SLC1A1: variants seen among roughly 807,000 people sequenced by gnomAD.
The protein encoded by SLC1A1 is solute carrier family 1 member 1.
In SLC1A1, 43 loss-of-function variants were observed where a neutral mutation model predicts 53.3. That is an observed-to-expected ratio of 0.81 (90% confidence interval 0.63 to 1.04). SLC1A1 has a LOEUF of 1.04. Ranked by LOEUF, SLC1A1 falls within the 50% of genes least tolerant of loss-of-function variation. The pLI, the probability that SLC1A1 is intolerant of heterozygous loss-of-function variation, is 0.00. For missense variants in SLC1A1, 748 were observed against 664.9 expected, an observed-to-expected ratio of 1.12 and a Z score of -1.37; for synonymous variants, 307 against 243.2, an observed-to-expected ratio of 1.26 and a Z score of -2.44.
At position 4,537,168 on chromosome 9, in the gene SLC1A1, A is replaced by G. The variant is rs866464796; in HGVS notation, c.92-7399A>G. On this transcript the variant is annotated intron_variant, in intron 1 of 11. Transcript: ENST00000262352. ...TGTAACTAACCTGCACATTGTGCAC[A>G]TGTACCCTAAAACTTAAATAATAAA... 1.8e-4 allele frequency among the ~76,000 whole-genome samples: 28 copies of G among 152,226 alleles called. No individual in the cohort carries two copies. In the Middle Eastern group the frequency reaches 0.014, roughly 74 times the overall value.
chr9:4,510,280 A>C (rs1313776218), intron 1 of SLC1A1, among the ~76,000 whole-genome samples: 1 of 152,152 alleles, frequency 6.6e-6, no homozygotes, highest in Non-Finnish European at 1.5e-5. Flanking sequence ...AGGCCTCTAC[A>C]TCTAGAAAGC....
chr9:4,564,431 C>A lies in SLC1A1; in HGVS notation c.413C>A (p.Thr138Lys). The change falls in exon 4 of 12, where the codon ACG becomes AAG. Residue 138 changes from threonine (T) to lysine (K), a missense_variant. Thr to Lys is a moderately conservative substitution (Grantham distance 78). Coordinates refer to ENST00000262352, the MANE Select transcript of SLC1A1 (RefSeq NM_004170.6). ...ARTGSTPEVS[T>K]VDAMLDLIRN... ...ACAGGCAGCACCCCTGAAGTCAGTA[C>A]GGTGGATGCCATGTTAGATCTCATC... 1 of 1,612,666 alleles carries A rather than the reference C, an allele frequency of 6.2e-7. No individual in the cohort carries two copies. The highest frequency in any genetic ancestry group is 8.5e-7 in the Non-Finnish European group (1 of 1,178,930).
At chr9:4,508,012 G>A (rs893178684) in intron 1 of SLC1A1, among the ~76,000 whole-genome samples, 2 of 152,078 alleles carry the variant, frequency 1.3e-5, no homozygotes, top group African/African-American at 4.8e-5. Context: ...TTCAAGCAGA[G>A]GATTCCAGGG....
intron 1 of SLC1A1, among the ~76,000 whole-genome samples, chr9:4,502,215 C>T (rs1347440683): frequency 1.3e-5 from 2 of 150,962 alleles, no homozygotes; most frequent in African/African-American, 4.9e-5. Flanking sequence ...GGTGACACCT[C>T]ATCTCTACAA....
rs1821310471 is a variant in SLC1A1, at chr9:4,583,702, C to T, written c.1328+530C>T. ...ATCTGTGAGATGGGAAAAAATCTGC[C>T]TATGTCATTGGGTTGTTTTAAGGAC... On this transcript the variant is annotated intron_variant, in intron 11 of 11. Transcript: ENST00000262352. The surrounding 1 kb of genome is among the most constrained non-coding windows in gnomAD (Gnocchi z 4.6). Among the ~76,000 whole-genome samples the T allele has an allele frequency of 6.6e-6, 1 of 152,152 alleles. No homozygotes were observed. Among genetic ancestry groups the T allele is most frequent in the East Asian group, 1.9e-4 (1 of 5,190 alleles).
chr9:4,528,914 A>G (rs1458195065), intron 1 of SLC1A1, among the ~76,000 whole-genome samples: 1 of 152,064 alleles, frequency 6.6e-6, no homozygotes, highest in East Asian at 1.9e-4. Context: ...CCAAAACTGA[A>G]CTCATCATCT....
At chr9:4,532,728 C>T (rs1220850569) in intron 1 of SLC1A1, among the ~76,000 whole-genome samples, 4 of 152,086 alleles carry the variant, frequency 2.6e-5, no homozygotes, top group African/African-American at 9.7e-5. Context: ...CAAAGATACT[C>T]CTCGAGAAGA....
At position 4,561,501 on chromosome 9, in the gene SLC1A1, C is replaced by G. The variant is rs558827026; in HGVS notation, c.285C>G (p.Val95=). 1.9e-6 allele frequency: 3 copies of G among 1,609,036 alleles called. No individual in the cohort carries two copies. In the Admixed American group the frequency reaches 5.0e-5, roughly 27 times the overall value. Residue 95 remains valine, a synonymous_variant, in exon 3 of 12, where the codon GTC becomes GTG. Transcript: ENST00000262352. ...NVSGKIGLRA[V]VYYFCTTLIA... is the part of the protein sequence containing the mutation. Reference sequence around the variant, plus strand: ...CCGGAAAAATTGGTCTGCGCGCTGTCGTGTATTATTTCTGTACCACTCTCA... The same window carrying G: ...CCGGAAAAATTGGTCTGCGCGCTGTGGTGTATTATTTCTGTACCACTCTCA...
intron 1 of SLC1A1, among the ~76,000 whole-genome samples, chr9:4,501,590 C>A (rs2080997233): frequency 6.6e-6 from 1 of 151,536 alleles, no homozygotes; most frequent in African/African-American, 2.4e-5. Flanking sequence ...CATGGAGAAA[C>A]CCCATCTCTA....
chr9:4,536,030 T>C (rs1393037002), intron 1 of SLC1A1, among the ~76,000 whole-genome samples: 2 of 152,160 alleles, frequency 1.3e-5, no homozygotes, highest in African/African-American at 4.8e-5. Context: ...TTACACCTTA[T>C]ACAAAAATTA....
chr9:4,562,284 G>A (rs1448206008), intron 3 of SLC1A1, among the ~76,000 whole-genome samples: 1 of 151,966 alleles, frequency 6.6e-6, no homozygotes, highest in Non-Finnish European at 1.5e-5. Context: ...ATGTTGGCCA[G>A]GCTGGTCTTG....
At chr9:4,537,844 T>A (rs1224944036) in intron 1 of SLC1A1, among the ~76,000 whole-genome samples, 1 of 152,040 alleles carries the variant, frequency 6.6e-6, no homozygotes, top group East Asian at 1.9e-4. Flanking sequence ...AACTAGACAT[T>A]GGTGACAGTT....
At chr9:4,570,684 A>G (rs1315597753) in intron 6 of SLC1A1, among the ~76,000 whole-genome samples, 3 of 152,154 alleles carry the variant, frequency 2.0e-5, no homozygotes, top group South Asian at 2.1e-4. Flanking sequence ...ATAATTCTTT[A>G]TAAACATAGT....
rs771477046 is a variant in SLC1A1 at position 4,561,496 on chromosome 9, G to A, written c.280G>A (p.Ala94Thr). 34 of 1,610,136 alleles carry A rather than the reference G, an allele frequency of 2.1e-5. No individual in the cohort carries two copies. Among genetic ancestry groups the A allele is most frequent in the Non-Finnish European group, 2.3e-5 (27 of 1,176,578 alleles). Reference sequence around the variant, plus strand: ...CGTATCCGGAAAAATTGGTCTGCGCGCTGTCGTGTATTATTTCTGTACCAC... The same window carrying A: ...CGTATCCGGAAAAATTGGTCTGCGCACTGTCGTGTATTATTTCTGTACCAC... Reference protein sequence around the residue: ...SNVSGKIGLRAVVYYFCTTLI... With the variant: ...SNVSGKIGLRTVVYYFCTTLI... Residue 94 changes from alanine to threonine, a missense_variant, in exon 3 of 12, where the codon GCT (alanine) becomes ACT (threonine). Coordinates refer to ENST00000262352, the MANE Select transcript of SLC1A1 (RefSeq NM_004170.6).
chr9:4,551,307 G>T (rs1327286448), intron 2 of SLC1A1, among the ~76,000 whole-genome samples: 13 of 151,942 alleles, frequency 8.6e-5, no homozygotes, highest in Non-Finnish European at 5.9e-5. Context: ...ACCATGCCAC[G>T]TGCCTCCCCG....
rs756821438 is a variant in SLC1A1 at position 4,583,214 on chromosome 9, C to T, written c.1328+42C>T. On this transcript the variant is annotated intron_variant, in intron 11 of 11. Transcript: ENST00000262352. This position sits in a 1 kb window ranked among gnomAD's most constrained non-coding sequence, Gnocchi z 4.6. ...GCACTGCCTTAGCTGGATGTGCAGG[C>T]GGGCTTCCCAGCCTCGCAGGCGCTG... The T allele has an allele frequency of 1.9e-6, 3 of 1,612,834 alleles. No homozygotes were observed. Among genetic ancestry groups the T allele is most frequent in the Non-Finnish European group, 2.5e-6 (3 of 1,179,042 alleles).
chr9:4,495,737 G>C (rs1820391626), intron 1 of SLC1A1, among the ~76,000 whole-genome samples: 1 of 152,102 alleles, frequency 6.6e-6, no homozygotes, highest in South Asian at 2.1e-4. Context: ...CCAAGGTCCA[G>C]GAAAGGGGAA....
At chr9:4,503,518 G>A (rs986005751) in intron 1 of SLC1A1, among the ~76,000 whole-genome samples, 7 of 151,928 alleles carry the variant, frequency 4.6e-5, no homozygotes, top group African/African-American at 1.7e-4. Flanking sequence ...CAAAGAAGGT[G>A]CAACTGGGAA....
At chr9:4,544,305 T>G (rs1378400014) in intron 1 of SLC1A1, among the ~76,000 whole-genome samples, 2 of 152,192 alleles carry the variant, frequency 1.3e-5, no homozygotes, top group Non-Finnish European at 2.9e-5. Flanking sequence ...TTTGTCATAA[T>G]AAGTGTAATT....
Sources: allele counts gnomAD v4.1 joint callset (sites outside exome capture counted in the v4.1 genomes callset), GRCh38; gene constraint gnomAD v4.1.1; non-coding constraint Gnocchi (gnomAD v3.1); transcripts MANE v1.5; gene names NCBI Gene and HGNC (gene_info 2026-07-23, HGNC 2026-07-21).